WDR27: variants seen among roughly 807,000 people sequenced by gnomAD.
WDR27 encodes the protein WD repeat domain 27.
A neutral mutation model predicts 114.4 loss-of-function variants in WDR27; 100 were observed. The observed-to-expected ratio is 0.87, with a 90% CI of 0.74 to 1.03. WDR27 has a LOEUF of 1.03. WDR27 is among the 50% of genes least tolerant of loss of function. The pLI is 0.00. For missense variants in WDR27, 1,129 were observed against 1,092.9 expected (o/e 1.03, Z -0.47); for synonymous variants, 449 against 423.1 (o/e 1.06, Z -0.75).
At chr6:169,631,765 A>C (rs1816463786) in intron 21 of WDR27, among the ~76,000 whole-genome samples, 1 of 152,218 alleles carries the variant, frequency 6.6e-6, no homozygotes, top group South Asian at 2.1e-4. Flanking sequence ...GAAAAGATGC[A>C]GGAACAAATC....
chr6:169,564,375 TCTC>T (rs1373276594), intron 25 of WDR27, among the ~76,000 whole-genome samples: 1 of 152,120 alleles, frequency 6.6e-6, no homozygotes, highest in African/African-American at 2.4e-5. Context: ...CCAATGGTAA[TCTC>T]CTCTGGCAAC....
chr6:169,602,433 T>C (rs1285275868), intron 22 of WDR27, 112 bp from the exon 23 acceptor site: 6 of 664,680 alleles, frequency 9.0e-6, no homozygotes, highest in Non-Finnish European at 7.9e-6. Context: ...AAAAGAATAA[T>C]GAAAGAATAT....
In WDR27 at chr6:169,667,175, A is replaced by G. The variant is rs1008892780; in HGVS notation, c.673T>C (p.Cys225Arg). The change falls in exon 6 of 26, where the codon TGT (cysteine) becomes CGT (arginine). Residue 225 changes from cysteine to arginine, a missense_variant. By Grantham distance (180) the Cys-to-Arg change is radical. Coordinates refer to ENST00000448612, the MANE Select transcript of WDR27 (RefSeq NM_182552.5). Reference sequence around the variant, plus strand: ...GAACTGTATATTAATGATCCTGTACAATGGTCCCAGACCTTTGGATAAACA... The same window carrying G: ...GAACTGTATATTAATGATCCTGTACGATGGTCCCAGACCTTTGGATAAACA... The part of the protein sequence containing the change: ...EDRGFKVWDH[C>R]TGSLIYSSSV... 1 of 1,529,690 alleles carries G rather than the reference A, an allele frequency of 6.5e-7. No homozygotes were observed. Among genetic ancestry groups the G allele is most frequent in the East Asian group, 2.4e-5 (1 of 41,348 alleles). 94.8% of individuals were successfully genotyped at this position (1,529,690 alleles called of 1,614,324 possible).
intron 16 of WDR27, 174 bp downstream of exon 16, chr6:169,647,599 G>C (rs75438963): frequency 1.4e-6 from 1 of 703,444 alleles, no homozygotes; most frequent in Non-Finnish European, 2.5e-6. Flanking sequence ...CTACAGTCGA[G>C]TGAAACGCAG....
chr6:169,699,734 C>T (rs1281394801), intron 1 of WDR27, among the ~76,000 whole-genome samples: 1 of 152,116 alleles, frequency 6.6e-6, no homozygotes, highest in East Asian at 1.9e-4. Context: ...GCAATCCCAG[C>T]ACTTTGTGGG....
the WDR27 span, among the ~76,000 whole-genome samples, chr6:169,438,272 C>T: frequency 7.5e-5 from 10 of 132,842 alleles, no homozygotes; most frequent in Non-Finnish European, 1.4e-4. Context: ...GAGTCTGGCT[C>T]TGTCACCCAG....
intron 16 of WDR27, among the ~76,000 whole-genome samples, chr6:169,646,679 C>T (rs1360890590): frequency 6.7e-6 from 1 of 149,200 alleles, no homozygotes; most frequent in African/African-American, 2.5e-5. Flanking sequence ...ACCCAGGAGG[C>T]GGAGATTGCA....
At chr6:169,483,620 A>C (rs1156908619) in intron 25 of WDR27, among the ~76,000 whole-genome samples, 1 of 152,180 alleles carries the variant, frequency 6.6e-6, no homozygotes, top group African/African-American at 2.4e-5. Context: ...TATTCAAAAA[A>C]TTTAGGAGAA....
intron 23 of WDR27, among the ~76,000 whole-genome samples, chr6:169,600,676 T>G (rs1364529457): frequency 6.6e-6 from 1 of 152,178 alleles, no homozygotes; most frequent in Admixed American, 6.5e-5. Flanking sequence ...TGCACAAGCC[T>G]CAGTAGCTGA....
chr6:169,660,443 G>C (rs935617819), intron 10 of WDR27, among the ~76,000 whole-genome samples: 3 of 152,190 alleles, frequency 2.0e-5, no homozygotes, highest in African/African-American at 4.8e-5. Flanking sequence ...ATGTAGGCAA[G>C]GAGTGGCTCC....
At chr6:169,514,880 C>T (rs781522298) in intron 25 of WDR27, among the ~76,000 whole-genome samples, 1 of 150,718 alleles carries the variant, frequency 6.6e-6, no homozygotes. Flanking sequence ...ATAGTAATTA[C>T]AAAAATAATA....
chr6:169,560,572 G>C (rs1799544173), intron 25 of WDR27, among the ~76,000 whole-genome samples: 3 of 152,208 alleles, frequency 2.0e-5, no homozygotes, highest in Admixed American at 2.0e-4. Flanking sequence ...CCAAGGGCCA[G>C]GGCCTTGTGG....
At chr6:169,560,244 C>G (rs1799497190) in intron 25 of WDR27, among the ~76,000 whole-genome samples, 2 of 152,130 alleles carry the variant, frequency 1.3e-5, no homozygotes, top group South Asian at 4.1e-4. Context: ...GCTTTTGCTT[C>G]TCTCTCATTC....
At chr6:169,633,954 C>G (rs1817052012) in intron 20 of WDR27, among the ~76,000 whole-genome samples, 1 of 152,052 alleles carries the variant, frequency 6.6e-6, no homozygotes, top group Non-Finnish European at 1.5e-5. Context: ...ACAATGAATT[C>G]CTAAAGATCT....
chr6:169,504,979 C>A (rs915633996), intron 25 of WDR27, among the ~76,000 whole-genome samples: 2 of 152,122 alleles, frequency 1.3e-5, no homozygotes, highest in African/African-American at 4.8e-5. Context: ...CAAGTGAAAA[C>A]TGTATGTTTT....
chr6:169,524,053 C>G (rs1323537910), intron 25 of WDR27, among the ~76,000 whole-genome samples: 1 of 151,944 alleles, frequency 6.6e-6, no homozygotes, highest in African/African-American at 2.4e-5. Flanking sequence ...AAAACTCAAC[C>G]AAAAAACTCT....
At chr6:169,696,897 G>T (rs1786217626) in intron 1 of WDR27, among the ~76,000 whole-genome samples, 1 of 152,200 alleles carries the variant, frequency 6.6e-6, no homozygotes, top group Admixed American at 6.5e-5. Context: ...CTGCACGACA[G>T]AGCGAGACCC....
Position 169,499,968 on chromosome 6 carries a change from T to C in WDR27, c.2646-42334A>G, listed in dbSNP as rs142502810. 2.0e-3 allele frequency among the ~76,000 whole-genome samples: 301 copies of C among 152,328 alleles called. 2 individuals are homozygous for C. Among genetic ancestry groups the C allele is most frequent in the African/African-American group, 6.9e-3 (286 of 41,584 alleles). On this transcript the variant is annotated intron_variant, in intron 25 of 25. Transcript: ENST00000448612. Reference sequence around the variant, plus strand: ...CCGGGGGACCTGAGGGCTCTGTGAATGCCCACGGTTCCTTCCCCCAGCTGC... The same window carrying C: ...CCGGGGGACCTGAGGGCTCTGTGAACGCCCACGGTTCCTTCCCCCAGCTGC...
At position 169,651,845 on chromosome 6, in the gene WDR27, A is replaced by T. The variant is rs1160656499; in HGVS notation, c.1481+85T>A. On this transcript the variant is annotated intron_variant, in intron 14 of 25. Coordinates refer to ENST00000448612, the MANE Select transcript of WDR27 (RefSeq NM_182552.5). ...TCTCTCCATACTGTGGCCCTCGGGG[A>T]TGTATGTGTGTCCCTATTTGTGTTA... 3.3e-6 allele frequency: 4 copies of T among 1,199,248 alleles called. No individual in the cohort carries two copies. In the Admixed American group the frequency reaches 5.9e-5, roughly 18 times the overall value. 74.3% of individuals were successfully genotyped at this position (1,199,248 alleles called of 1,614,324 possible).
Sources: allele counts gnomAD v4.1 joint callset (sites outside exome capture counted in the v4.1 genomes callset), GRCh38; gene constraint gnomAD v4.1.1; transcripts MANE v1.5; gene names NCBI Gene and HGNC (gene_info 2026-07-23, HGNC 2026-07-21).